The following DGKI variants were observed in gnomAD, a reference collection of about 807,000 sequenced individuals.
DGKI encodes diacylglycerol kinase iota.
DGKI carries 55 observed loss-of-function variants against 147.5 expected under a neutral mutation model. The ratio of observed to expected loss-of-function variants is 0.37; its 90% CI spans 0.30 to 0.47. The LOEUF is 0.47. Among genes scored for constraint, DGKI ranks in the 20% least tolerant of loss-of-function variants. The pLI, the probability that DGKI is intolerant of heterozygous loss-of-function variation, is 1.00. For missense variants in DGKI, 1,007 were observed against 1,323.8 expected, an observed-to-expected ratio of 0.76 and a Z score of 3.71; for synonymous variants, 469 against 477.1, an observed-to-expected ratio of 0.98 and a Z score of 0.22.
intron 21 of DGKI, among the ~76,000 whole-genome samples, chr7:137,520,509 A>T (rs1285923258): frequency 6.6e-6 from 1 of 152,068 alleles, no homozygotes; most frequent in African/African-American, 2.4e-5. Flanking sequence ...GAAGGAAGAA[A>T]TTCAGAGGTT....
At chr7:137,687,679 G>A (rs1823466431) in intron 2 of DGKI, among the ~76,000 whole-genome samples, 1 of 152,168 alleles carries the variant, frequency 6.6e-6, no homozygotes, top group Admixed American at 6.5e-5. Context: ...TCTGTTTGCT[G>A]ACACCAAAAT....
intron 28 of DGKI, 126 bp from the exon 29 acceptor site, chr7:137,412,333 T>C: frequency 1.1e-6 from 1 of 899,322 alleles, no homozygotes. Context: ...AAGGAAAATA[T>C]CTTGGTGAAG....
chr7:137,680,114 T>C (rs992345953), intron 2 of DGKI, among the ~76,000 whole-genome samples: 1 of 151,886 alleles, frequency 6.6e-6, no homozygotes, highest in African/African-American at 2.4e-5. Flanking sequence ...ATGGGATTAG[T>C]GTCCTTATAG....
In DGKI at chr7:137,739,581, A is replaced by C. The variant is rs1008262719; in HGVS notation, c.402-49579T>G. 1.3e-5 allele frequency among the ~76,000 whole-genome samples: 2 copies of C among 152,148 alleles called. 1 individual carries two copies. The highest frequency in any genetic ancestry group is 2.9e-5 in the Non-Finnish European group (2 of 68,018). ...GCCCTGGCTTACTTGCTAATTTCCC[A>C]TGGGTCTTCCTTAGATAGCCTTTCT... On this transcript the variant is annotated intron_variant, in intron 1 of 32. Coordinates refer to ENST00000614521, the MANE Select transcript of DGKI (RefSeq NM_001321708.2).
At chr7:137,598,054 C>T (rs1451962089) in intron 11 of DGKI, 147 bp from the exon 12 acceptor site, 2 of 656,654 alleles carry the variant, frequency 3.0e-6, no homozygotes, top group African/African-American at 3.6e-5. Context: ...TCATAGGTCC[C>T]AAGTAACCAC....
chr7:137,472,760 G>T (rs1046510495), intron 23 of DGKI, among the ~76,000 whole-genome samples: 1 of 151,864 alleles, frequency 6.6e-6, no homozygotes. Context: ...AAAATATTTA[G>T]TGGCAACTAT....
chr7:137,817,243 T>A (rs1204437866), intron 1 of DGKI, among the ~76,000 whole-genome samples: 1 of 152,216 alleles, frequency 6.6e-6, no homozygotes, highest in Non-Finnish European at 1.5e-5. Flanking sequence ...TCAATTCGAT[T>A]CAAAGTGTCA....
chr7:137,846,565 C>A lies in DGKI; in HGVS notation c.298G>T (p.Ala100Ser), dbSNP rs1267119979. The change falls in exon 1 of 33, where the codon GCC becomes TCC. Residue 100 changes from alanine (A) to serine (S), a missense_variant. Physicochemically the swap from Ala to Ser is moderately conservative, Grantham distance 99. Coordinates refer to ENST00000614521, the MANE Select transcript of DGKI (RefSeq NM_001321708.2). This position sits in a 1 kb window ranked among gnomAD's most constrained non-coding sequence, Gnocchi z 4.0. Reference sequence around the variant, plus strand: ...GCCGCGGGCTCGTCCAGGGCAGCGGCCCCCGCCGCCGCGGCTGACCCTGCG... The same window carrying A: ...GCCGCGGGCTCGTCCAGGGCAGCGGACCCCGCCGCCGCGGCTGACCCTGCG... Reference protein sequence around the residue: ...RGAGSAAAAGAAALDEPAAAG... With the variant: ...RGAGSAAAAGSAALDEPAAAG... 1.4e-6 allele frequency: 2 copies of A among 1,407,330 alleles called. No homozygotes were observed. The highest frequency in any genetic ancestry group is 2.5e-5 in the Admixed American group (1 of 40,220). The allele number at this position is 1,407,330 out of a possible 1,614,324, so 87.2% of individuals were successfully genotyped here.
At chr7:137,434,819 GGTTT>G (rs1054863267) in intron 28 of DGKI, among the ~76,000 whole-genome samples, 13 of 152,102 alleles carry the variant, frequency 8.5e-5, no homozygotes, top group Admixed American at 1.3e-4. Flanking sequence ...AGCCCAGGGG[GGTTT>G]GTTTTGTTTT....
intron 17 of DGKI, 80 bp downstream of exon 17, chr7:137,577,142 A>G (rs373335390): frequency 1.0e-6 from 1 of 986,924 alleles, no homozygotes; most frequent in South Asian, 1.4e-5. Flanking sequence ...GTGATTCAAT[A>G]TATAAACTAA....
intron 1 of DGKI, among the ~76,000 whole-genome samples, chr7:137,716,399 C>T (rs745643602): frequency 1.3e-5 from 2 of 152,206 alleles, no homozygotes; most frequent in Non-Finnish European, 2.9e-5. Flanking sequence ...GTATCTCCAA[C>T]TGCTATCAAA....
At chr7:137,458,500 G>A (rs574975787) in intron 27 of DGKI, among the ~76,000 whole-genome samples, 5 of 152,142 alleles carry the variant, frequency 3.3e-5, no homozygotes, top group East Asian at 1.9e-4. Flanking sequence ...GGTTTCTTAC[G>A]AACTACAAAA....
intron 1 of DGKI, among the ~76,000 whole-genome samples, chr7:137,780,409 CA>C (rs1796484593): frequency 6.6e-6 from 1 of 152,228 alleles, no homozygotes; most frequent in East Asian, 1.9e-4. Flanking sequence ...GCTACAAAGA[CA>C]AATTTGGCAG....
rs529890495 is a variant in DGKI, at chr7:137,813,994, A to G, written c.401+32468T>C. Among the ~76,000 whole-genome samples, 4 of 152,358 alleles carry G rather than the reference A, an allele frequency of 2.6e-5. No homozygotes were observed. In the East Asian group the frequency reaches 7.7e-4, roughly 29 times the overall value. ...TAATGAGGCAAAATGGATTTTTGCT[A>G]AACACAAAAATAGTACAGGACATAT... On this transcript the variant is annotated intron_variant, in intron 1 of 32. Coordinates refer to ENST00000614521, the MANE Select transcript of DGKI (RefSeq NM_001321708.2).
At chr7:137,770,035 G>A (rs960906117) in intron 1 of DGKI, among the ~76,000 whole-genome samples, 6 of 152,276 alleles carry the variant, frequency 3.9e-5, no homozygotes, top group Admixed American at 6.5e-5. Context: ...TATGTTTACC[G>A]CAGCACTATT....
chr7:137,591,340 C>A (rs758418749), intron 12 of DGKI, among the ~76,000 whole-genome samples: 1 of 152,176 alleles, frequency 6.6e-6, no homozygotes, highest in African/African-American at 2.4e-5. Context: ...CATTCCATCA[C>A]CCTTGGAGTC....
At chr7:137,641,080 C>G (rs953459450) in intron 6 of DGKI, among the ~76,000 whole-genome samples, 2 of 152,070 alleles carry the variant, frequency 1.3e-5, no homozygotes, top group East Asian at 3.9e-4. Context: ...CTGCACTGTT[C>G]TTGTGATAGT....
intron 21 of DGKI, among the ~76,000 whole-genome samples, chr7:137,491,143 A>T (rs529130698): frequency 1.3e-5 from 2 of 152,296 alleles, no homozygotes; most frequent in East Asian, 3.9e-4. Context: ...CTACTGCAAA[A>T]CCCTCAAAAG....
chr7:137,597,580 T>G (rs917081001), intron 12 of DGKI, among the ~76,000 whole-genome samples: 1 of 152,214 alleles, frequency 6.6e-6, no homozygotes, highest in East Asian at 1.9e-4. Context: ...AATCTTCATT[T>G]TAAGGATTTG....
Sources: gnomAD v4.1 joint callset for allele counts (sites outside exome capture counted in the v4.1 genomes callset) on GRCh38, gnomAD v4.1.1 for gene constraint, Gnocchi (gnomAD v3.1) non-coding constraint, MANE v1.5 for transcripts, NCBI Gene and HGNC (gene_info 2026-07-23, HGNC 2026-07-21) for gene names.